The following ABCB7 variants were observed in gnomAD, a reference collection of about 807,000 sequenced individuals.
The protein encoded by ABCB7 is iron-sulfur clusters transporter ABCB7, mitochondrial.
Under a neutral mutation model 54.4 loss-of-function variants are expected in ABCB7, and 7 were observed. That is an observed-to-expected ratio of 0.13 (90% CI 0.07 to 0.24). The LOEUF (loss-of-function observed/expected upper bound fraction) is 0.24, where lower values mean the gene tolerates loss of function less well. Among genes scored for constraint, ABCB7 ranks in the 10% least tolerant of loss-of-function variants. The pLI, the probability that ABCB7 is intolerant of heterozygous loss-of-function variation, is 1.00. For synonymous variants in ABCB7, 218 were observed against 207.1 expected (o/e 1.05, Z -0.45); for missense variants, 356 against 570.4 (o/e 0.62, Z 3.83).
intron 1 of ABCB7, among the ~76,000 whole-genome samples, chrX:75,141,719 T>C (rs1417236359): frequency 9.0e-6 from 1 of 111,513 alleles, no homozygotes; most frequent in African/African-American, 3.3e-5. Flanking sequence ...AATTGTTGGG[T>C]CAAAGAGGGT....
intron 1 of ABCB7, among the ~76,000 whole-genome samples, chrX:75,123,416 T>C (rs1472699869): frequency 1.8e-5 from 2 of 112,099 alleles, no homozygotes; most frequent in African/African-American, 6.5e-5. Context: ...AGTACCATAC[T>C]GTTTTGATTA....
intron 3 of ABCB7, among the ~76,000 whole-genome samples, chrX:75,107,813 CA>C (rs1429088505): frequency 9.0e-6 from 1 of 111,038 alleles, no homozygotes; most frequent in Non-Finnish European, 1.9e-5. Context: ...TTGAGAAAAG[CA>C]GGGGGGAAAG....
intron 4 of ABCB7, among the ~76,000 whole-genome samples, chrX:75,080,732 T>C (rs1271030545): frequency 1.8e-5 from 2 of 112,291 alleles, no homozygotes; most frequent in African/African-American, 6.5e-5. Context: ...GATACCTCAC[T>C]GATGTTGAGC....
At chrX:75,145,052 C>T (rs1267960927) in intron 1 of ABCB7, among the ~76,000 whole-genome samples, 1 of 110,187 alleles carries the variant, frequency 9.1e-6, no homozygotes, top group African/African-American at 3.3e-5. Context: ...AAATTGAATC[C>T]CTGAACAGAC....
rs2081195346 is a variant in ABCB7 at position 75,051,382 on chromosome X, T to G, written c.*1988A>C. 9.0e-6 allele frequency among the ~76,000 whole-genome samples: 1 copy of G among 111,691 alleles called. No homozygotes were observed. The highest frequency in any genetic ancestry group is 2.8e-4 in the East Asian group (1 of 3,578). Reference sequence around the variant, plus strand: ...TAATCTCTCCCATATCAAATTATCATGAAAAATTTCTTAAAACTATAAACC... The same window carrying G: ...TAATCTCTCCCATATCAAATTATCAGGAAAAATTTCTTAAAACTATAAACC... On this transcript the variant is annotated 3_prime_UTR_variant, in exon 16 of 16. Coordinates refer to ENST00000373394, the MANE Select transcript of ABCB7 (RefSeq NM_001271696.3).
intron 15 of ABCB7, among the ~76,000 whole-genome samples, chrX:75,054,577 GT>G (rs796793574): frequency 1.6e-3 from 154 of 99,285 alleles, no homozygotes; most frequent in Admixed American, 2.2e-3. Context: ...TAACTTCCTT[GT>G]TTTTTTTTTT....
chrX:75,148,200 T>C (rs1037660326), intron 1 of ABCB7, among the ~76,000 whole-genome samples: 4 of 111,696 alleles, frequency 3.6e-5, no homozygotes, highest in Non-Finnish European at 7.5e-5. Context: ...ACAAAACAAA[T>C]TGGACTTCAA....
At chrX:75,144,107 C>G (rs1416565244) in intron 1 of ABCB7, among the ~76,000 whole-genome samples, 2 of 111,342 alleles carry the variant, frequency 1.8e-5, no homozygotes, top group African/African-American at 6.5e-5. Flanking sequence ...TATCACTTCT[C>G]TCCTATATTA....
chrX:75,145,024 T>A (rs1289622261), intron 1 of ABCB7, among the ~76,000 whole-genome samples: 2 of 110,233 alleles, frequency 1.8e-5, no homozygotes, highest in African/African-American at 6.6e-5. Context: ...TATGGGAGGA[T>A]CTCCATGAAC....
chrX:75,144,236 T>C (rs1025010156), intron 1 of ABCB7, among the ~76,000 whole-genome samples: 5 of 111,871 alleles, frequency 4.5e-5, no homozygotes, highest in African/African-American at 1.6e-4. Context: ...ACTCCCTACT[T>C]AAAATTACTT....
At chrX:75,057,076 GTTGAT>G (rs2081246281) in intron 15 of ABCB7, among the ~76,000 whole-genome samples, 1 of 111,372 alleles carries the variant, frequency 9.0e-6, no homozygotes, top group Non-Finnish European at 1.9e-5. Flanking sequence ...CCCCATCCTT[GTTGAT>G]TTAATTTTAT....
chrX:75,067,716 C>T (rs2081332186), intron 12 of ABCB7, among the ~76,000 whole-genome samples: 2 of 110,831 alleles, frequency 1.8e-5, no homozygotes, highest in Admixed American at 9.7e-5. Flanking sequence ...AACTCCCGAC[C>T]TTAGGCGATC....
chrX:75,069,583 C>T, intron 10 of ABCB7, 129 bp from the exon 11 acceptor site: 1 of 675,080 alleles, frequency 1.5e-6, no homozygotes, highest in Middle Eastern at 4.7e-4. Flanking sequence ...TGGACTTAGA[C>T]CACTTCCAAG....
chrX:75,118,634 G>A (rs1169639568), intron 1 of ABCB7, among the ~76,000 whole-genome samples: 1 of 111,022 alleles, frequency 9.0e-6, no homozygotes, highest in Non-Finnish European at 1.9e-5. Context: ...TTTTACTTTT[G>A]GGGGGGTGAC....
At chrX:75,094,149 G>C (rs2081570575) in intron 4 of ABCB7, among the ~76,000 whole-genome samples, 1 of 104,422 alleles carries the variant, frequency 9.6e-6, no homozygotes, top group African/African-American at 3.6e-5. Flanking sequence ...GAAGAAAAAG[G>C]GTGTTTATTT....
chrX:75,096,488 T>G (rs758274478), intron 4 of ABCB7, among the ~76,000 whole-genome samples: 34 of 111,690 alleles, frequency 3.0e-4, no homozygotes, highest in Non-Finnish European at 5.7e-4. Flanking sequence ...GAGGAACACA[T>G]TAATCAAAGG....
chrX:75,156,219 G>T lies in ABCB7; in HGVS notation c.54C>A (p.Phe18Leu), dbSNP rs771563930. ...GAATCGCGGAGTGCCGGCGCTTTTC[G>T]AAAGCAGCCGCCGCGGCCGCCCAGC... ...SWRWAAAAAA[F>L]EKRRHSAILI... Residue 18 changes from phenylalanine (F) to leucine (L), a missense_variant, in exon 1 of 16, where the codon TTC (phenylalanine) becomes TTA (leucine). Phe to Leu is a conservative substitution (Grantham distance 22, BLOSUM62 0). Transcript: ENST00000373394. 5.8e-6 allele frequency: 7 copies of T among 1,204,900 alleles called. No individual in the cohort carries two copies. The Admixed American group carries it at 1.1e-4, about 19-fold the overall frequency.
intron 8 of ABCB7, among the ~76,000 whole-genome samples, chrX:75,072,876 A>C (rs1314132967): frequency 1.8e-5 from 2 of 111,561 alleles, no homozygotes; most frequent in East Asian, 5.6e-4. Flanking sequence ...CAGCTGTATA[A>C]AAATATTTTC....
At chrX:75,082,956 G>C (rs1027106007) in intron 4 of ABCB7, among the ~76,000 whole-genome samples, 1 of 111,270 alleles carries the variant, frequency 9.0e-6, no homozygotes, top group African/African-American at 3.3e-5. Flanking sequence ...TAAAATGGTA[G>C]ACTGAAATCC....
Sources: gnomAD v4.1 joint callset for allele counts (sites outside exome capture counted in the v4.1 genomes callset) on GRCh38, gnomAD v4.1.1 for gene constraint, MANE v1.5 for transcripts, NCBI Gene and HGNC (gene_info 2026-07-23, HGNC 2026-07-21) for gene names.